PRUNE2: variants seen among roughly 807,000 people sequenced by gnomAD.
The protein encoded by PRUNE2 is prune homolog 2 with BCH domain.
In PRUNE2, 164 loss-of-function variants were observed where a neutral mutation model predicts 252.0. That is an observed-to-expected ratio of 0.65 (90% CI 0.57 to 0.74). The LOEUF is 0.74. Ranked by LOEUF, PRUNE2 falls within the 30% of genes least tolerant of loss-of-function variation. The pLI, the probability that PRUNE2 is intolerant of heterozygous loss-of-function variation, is 0.00. For missense variants in PRUNE2, 3,495 were observed against 3,711.0 expected, an observed-to-expected ratio of 0.94 and a Z score of 1.51; for synonymous variants, 1,292 against 1,350.2, an observed-to-expected ratio of 0.96 and a Z score of 0.94.
rs115281079 is a variant in PRUNE2 at position 76,775,790 on chromosome 9, T to C, written c.756+47842A>G. Among the ~76,000 whole-genome samples the C allele has an allele frequency of 8.4e-3, 1,287 of 152,350 alleles. 14 individuals carry two copies. Among genetic ancestry groups the C allele is most frequent in the African/African-American group, 0.022 (935 of 41,568 alleles). ...ACCTCTCCCAGAAAAAGCACAAGGATTGCTCACCCGGCCTTCATGCCGGCT... is the reference window on the plus strand; with the variant it reads ...ACCTCTCCCAGAAAAAGCACAAGGACTGCTCACCCGGCCTTCATGCCGGCT... On this transcript the variant is annotated intron_variant, in intron 6 of 18. Transcript: ENST00000376718.
At chr9:76,845,155 CATT>C (rs1277071662) in intron 4 of PRUNE2, among the ~76,000 whole-genome samples, 1 of 151,996 alleles carries the variant, frequency 6.6e-6, no homozygotes, top group Non-Finnish European at 1.5e-5. Flanking sequence ...ATCTGAATAT[CATT>C]GTTATCACTA....
At chr9:76,683,556 T>G (rs1474745212) in intron 9 of PRUNE2, among the ~76,000 whole-genome samples, 1 of 152,136 alleles carries the variant, frequency 6.6e-6, no homozygotes, top group Non-Finnish European at 1.5e-5. Flanking sequence ...TAAAACAGAT[T>G]GGGAAAAATA....
chr9:76,885,902 G>A (rs545922603), intron 1 of PRUNE2, among the ~76,000 whole-genome samples: 5 of 152,102 alleles, frequency 3.3e-5, no homozygotes, highest in Admixed American at 6.6e-5. Context: ...CAATGCGGCC[G>A]GGTGCGGCGG....
intron 4 of PRUNE2, among the ~76,000 whole-genome samples, chr9:76,841,431 C>T (rs1210800437): frequency 6.6e-6 from 1 of 152,214 alleles, no homozygotes; most frequent in Non-Finnish European, 1.5e-5. Context: ...GTTTTGTTTT[C>T]ATACCCCAGT....
At chr9:76,668,235 T>C (rs1256224416) in intron 9 of PRUNE2, among the ~76,000 whole-genome samples, 1 of 152,218 alleles carries the variant, frequency 6.6e-6, no homozygotes, top group Admixed American at 6.5e-5. Context: ...AAAAGATGTT[T>C]ACTGTAAAAA....
chr9:76,645,652 A>G (rs1844516916), intron 11 of PRUNE2, among the ~76,000 whole-genome samples: 1 of 152,178 alleles, frequency 6.6e-6, no homozygotes, highest in Non-Finnish European at 1.5e-5. Context: ...TTAAAAAAAA[A>G]AAGTAACCAT....
intron 1 of PRUNE2, among the ~76,000 whole-genome samples, chr9:76,902,091 C>G (rs1929534): frequency 0.54 from 81,547 of 152,002 alleles, 21,925 homozygotes; most frequent in South Asian, 0.64. Context: ...TGTGGGGAGC[C>G]TGGCTTCCTG....
chr9:76,638,076 G>T, intron 13 of PRUNE2, 110 bp downstream of exon 13: 1 of 706,022 alleles, frequency 1.4e-6, no homozygotes, highest in South Asian at 1.7e-5. Context: ...ACTTTTCACT[G>T]AAGGCTTAGA....
chr9:76,905,823 G>T, intron 1 of PRUNE2, 105 bp downstream of exon 1: 1 of 1,453,978 alleles, frequency 6.9e-7, no homozygotes, highest in Non-Finnish European at 9.6e-7. Flanking sequence ...TGATAACTCC[G>T]TGGCAAAGTT....
chr9:76,842,773 G>T (rs545567548), intron 4 of PRUNE2, among the ~76,000 whole-genome samples: 4 of 152,302 alleles, frequency 2.6e-5, no homozygotes, highest in African/African-American at 9.6e-5. Context: ...AAACCACAAT[G>T]AGATATCATC....
At chr9:76,789,516 A>T (rs920758852) in intron 6 of PRUNE2, among the ~76,000 whole-genome samples, 1 of 152,156 alleles carries the variant, frequency 6.6e-6, no homozygotes, top group Non-Finnish European at 1.5e-5. Context: ...CTCCTCTGCA[A>T]ATAGCACTTG....
chr9:76,888,604 T>A (rs1397941470), intron 1 of PRUNE2, among the ~76,000 whole-genome samples: 1 of 149,608 alleles, frequency 6.7e-6, no homozygotes, highest in East Asian at 2.0e-4. Flanking sequence ...CTATTATTAT[T>A]ATTATTATTT....
chr9:76,739,311 T>A (rs976983899), intron 6 of PRUNE2: 2 of 152,128 alleles, frequency 1.3e-5, no homozygotes, highest in Admixed American at 1.3e-4. Flanking sequence ...TAAGTAGTGA[T>A]GTGGCTCGAT....
intron 6 of PRUNE2, among the ~76,000 whole-genome samples, chr9:76,740,613 C>A (rs1377271782): frequency 6.6e-6 from 1 of 152,080 alleles, no homozygotes; most frequent in African/African-American, 2.4e-5. Flanking sequence ...TTTGCTTTCT[C>A]AATGAAAAAA....
At chr9:76,719,759 C>T (rs1200682522) in intron 6 of PRUNE2, among the ~76,000 whole-genome samples, 1 of 151,932 alleles carries the variant, frequency 6.6e-6, no homozygotes, top group African/African-American at 2.4e-5. Context: ...GCTGTTCTCC[C>T]ACTCAGCCTC....
At chr9:76,784,566 T>C (rs141167545) in intron 6 of PRUNE2, 1 of 152,306 alleles carries the variant, frequency 6.6e-6, no homozygotes, top group Non-Finnish European at 1.5e-5. Flanking sequence ...TCTCCATATA[T>C]CCAGCCACAC....
chr9:76,749,569 G>A (rs537111797), intron 6 of PRUNE2, among the ~76,000 whole-genome samples: 92 of 152,326 alleles, frequency 6.0e-4, no homozygotes, highest in Admixed American at 1.1e-3. Context: ...GCGTGTAACC[G>A]TTAGAGAGGT....
Position 76,638,364 on chromosome 9 carries a change from T to C in PRUNE2, c.8729-76A>G, listed in dbSNP as rs568957866. On this transcript the variant is annotated intron_variant, in intron 12 of 18. Transcript: ENST00000376718. ...GGTAATATCTGACCTAATGGATAAA[T>C]ATGAAGCCTTGGCAAGTGTGTCTTT... The C allele has an allele frequency of 2.2e-5, 21 of 969,928 alleles. No individual in the cohort carries two copies. In the East Asian group the frequency reaches 5.3e-4, roughly 24 times the overall value. The allele number at this position is 969,928 out of a possible 1,614,324, so 60.1% of individuals were successfully genotyped here. A position where few individuals can be genotyped will look rare whatever the true frequency, so the allele number is the denominator to read the frequency against.
At position 76,708,305 on chromosome 9, in the gene PRUNE2, T is replaced by G. The variant is rs1404311249; in HGVS notation, c.3969A>C (p.Gln1323His). Residue 1323 changes from glutamine to histidine, a missense_variant, in exon 8 of 19, where the codon CAA (glutamine) becomes CAC (histidine). Coordinates refer to ENST00000376718, the MANE Select transcript of PRUNE2 (RefSeq NM_015225.3). Reference protein sequence around the residue: ...PDPWKGHGDGQSESEKEAQGA... With the variant: ...PDPWKGHGDGHSESEKEAQGA... ...CCTGGGCTTCCTTCTCACTTTCACT[T>G]TGTCCATCGCCATGACCTTTCCATG... The G allele has an allele frequency of 1.2e-6, 2 of 1,613,774 alleles. No individual in the cohort carries two copies. The highest frequency in any genetic ancestry group is 1.7e-6 in the Non-Finnish European group (2 of 1,179,878).
Sources: allele counts gnomAD v4.1 joint callset (sites outside exome capture counted in the v4.1 genomes callset), GRCh38; gene constraint gnomAD v4.1.1; transcripts MANE v1.5; gene names NCBI Gene and HGNC (gene_info 2026-07-23, HGNC 2026-07-21).